Variants in SCIMP observed in about 807,000 individuals in gnomAD.
The protein encoded by SCIMP is SLP adaptor and CSK interacting membrane protein.
In SCIMP, 18 loss-of-function variants were observed where a neutral mutation model predicts 22.0. That is an observed-to-expected ratio of 0.82 (90% CI 0.56 to 1.21). SCIMP has a LOEUF of 1.21. Among genes scored for constraint, SCIMP ranks in the 50% most tolerant of loss-of-function variants. The probability of loss-of-function intolerance (pLI) is 0.00; values close to 1 mark genes in which losing one functional copy is unlikely to be tolerated. For missense variants in SCIMP, 155 were observed against 171.2 expected (o/e 0.91, Z 0.53); for synonymous variants, 53 against 62.2 (o/e 0.85, Z 0.70).
intron 1 of SCIMP, among the ~76,000 whole-genome samples, chr17:5,224,891 A>C (rs1374826770): frequency 6.6e-6 from 1 of 152,166 alleles, no homozygotes; most frequent in East Asian, 1.9e-4. Context: ...AGAAGGGTGA[A>C]GCTGAAGATA....
At chr17:5,227,849 G>A (rs1284651485) in intron 1 of SCIMP, among the ~76,000 whole-genome samples, 6 of 122,462 alleles carry the variant, frequency 4.9e-5, no homozygotes, top group African/African-American at 1.6e-4. Flanking sequence ...ACTCAGCTAC[G>A]TGAAGGGATG....
Position 5,210,798 on chromosome 17 carries a change from G to A in SCIMP, c.*3C>T. The A allele has an allele frequency of 3.1e-6, 5 of 1,603,834 alleles. No individual in the cohort carries two copies. The highest frequency in any genetic ancestry group is 4.2e-6 in the Non-Finnish European group (5 of 1,177,592). ...GTTTTGCCAAAAAGAAGAAATGGCT[G>A]TTTCAAAATGATGCTTTTTCAGTAT... On this transcript the variant is annotated 3_prime_UTR_variant, in exon 5 of 5. Transcript: ENST00000574081.
intron 1 of SCIMP, among the ~76,000 whole-genome samples, chr17:5,227,547 G>C (rs964583979): frequency 6.6e-6 from 1 of 152,186 alleles, no homozygotes; most frequent in Non-Finnish European, 1.5e-5. Context: ...ACAAGGATTA[G>C]AGAAGGGAGT....
chr17:5,228,363 A>G (rs538340284), intron 1 of SCIMP, among the ~76,000 whole-genome samples: 1 of 141,480 alleles, frequency 7.1e-6, no homozygotes, highest in South Asian at 2.3e-4. Flanking sequence ...AAAAAAATGC[A>G]TTGAGCACAG....
intron 1 of SCIMP, among the ~76,000 whole-genome samples, chr17:5,225,776 A>C (rs80070029): frequency 6.7e-6 from 1 of 150,266 alleles, no homozygotes. Context: ...AAAAAAAAAA[A>C]ACACCGATCT....
At chr17:5,227,459 G>A (rs948184132) in intron 1 of SCIMP, among the ~76,000 whole-genome samples, 2 of 152,054 alleles carry the variant, frequency 1.3e-5, no homozygotes, top group African/African-American at 2.4e-5. Context: ...CAAGTGATCC[G>A]CATGCCTCGG....
chr17:5,222,212 T>G (rs1053546027), intron 2 of SCIMP, among the ~76,000 whole-genome samples: 3 of 151,216 alleles, frequency 2.0e-5, no homozygotes, highest in African/African-American at 7.3e-5. Flanking sequence ...GCCTCAGCCT[T>G]CCTAGTAGCT....
intron 1 of SCIMP, among the ~76,000 whole-genome samples, chr17:5,232,027 G>T (rs148442836): frequency 0.015 from 2,339 of 151,912 alleles, 54 homozygotes; most frequent in African/African-American, 0.051. Context: ...CTGCACTCCA[G>T]CCTGGGCGAC....
intron 4 of SCIMP, 62 bp downstream of exon 4, chr17:5,214,856 AAAAAAAG>A (rs779760546): frequency 1.3e-6 from 1 of 773,894 alleles, no homozygotes; most frequent in Non-Finnish European, 2.1e-6. Flanking sequence ...AAAAAAAAAA[AAAAAAAG>A]ACACCTTGAT....
rs551743093 is a variant in SCIMP, at chr17:5,217,811, G to A, written c.210-2813C>T. On this transcript the variant is annotated intron_variant, in intron 3 of 4. Coordinates refer to ENST00000574081, the MANE Select transcript of SCIMP (RefSeq NM_207103.3). ...CCACATTTTCTTAATCCATTCTATC[G>A]TTGTTGGACATTTAGGTTGGTTCCA... Among the ~76,000 whole-genome samples the A allele has an allele frequency of 7.9e-5, 12 of 151,830 alleles. No homozygotes were observed. The East Asian group carries it at 2.3e-3, about 29-fold the overall frequency.
At chr17:5,226,071 G>A (rs2641253) in intron 1 of SCIMP, among the ~76,000 whole-genome samples, 72,833 of 151,896 alleles carry the variant, frequency 0.48, 20,102 homozygotes, top group Non-Finnish European at 0.64. Context: ...GAAAAACACC[G>A]CTTGCAGAGT....
intron 4 of SCIMP, chr17:5,213,298 T>G (rs1293246033): frequency 2.1e-6 from 2 of 961,704 alleles, no homozygotes; most frequent in Non-Finnish European, 2.5e-6. Context: ...CACTCTGTCG[T>G]CCAGGTGCAG....
Position 5,209,447 on chromosome 17 carries a change from C to G in SCIMP, c.*1354G>C, listed in dbSNP as rs2074511551. The stretch of plus-strand genomic sequence containing the variant: ...CTTCATAGAGTCTGGAAAGAGAGAA[C>G]CAGGGAGGAAGCCCAGGTCCCCAGT... On this transcript the variant is annotated 3_prime_UTR_variant, in exon 5 of 5. Transcript: ENST00000574081. The G allele has an allele frequency of 1.3e-5, 2 of 152,104 alleles. No individual in the cohort carries two copies. The highest frequency in any genetic ancestry group is 4.8e-5 in the African/African-American group (2 of 41,398). The allele number at this position is 152,104 out of a possible 1,614,324, so 9.4% of individuals were successfully genotyped here.
intron 3 of SCIMP, 100 bp from the exon 4 acceptor site, chr17:5,215,098 A>G (rs2074556631): frequency 1.3e-6 from 1 of 769,676 alleles, no homozygotes; most frequent in Non-Finnish European, 2.3e-6. Context: ...TGGGTTGAAC[A>G]TTCAAATCTT....
intron 1 of SCIMP, among the ~76,000 whole-genome samples, chr17:5,231,215 C>T (rs908904972): frequency 1.3e-5 from 2 of 152,008 alleles, no homozygotes; most frequent in African/African-American, 2.4e-5. Flanking sequence ...CAGAAATTAG[C>T]CTGGTGTGGT....
chr17:5,232,396 A>ACAGTGCAAACAGTGCAGTGTAAACAGTG (rs71151850), intron 1 of SCIMP, among the ~76,000 whole-genome samples: 1 of 94,230 alleles, frequency 1.1e-5, no homozygotes, highest in East Asian at 4.4e-4. Flanking sequence ...TGCAGTATAA[A>ACAGTGCAAACAGTGCAGTGTAAACAGTG]CAGTATAAAC....
At chr17:5,231,317 G>A (rs766126050) in intron 1 of SCIMP, among the ~76,000 whole-genome samples, 65 of 151,076 alleles carry the variant, frequency 4.3e-4, no homozygotes, top group East Asian at 1.2e-3. Context: ...CCAGGATCAC[G>A]CCATTGCACT....
intron 3 of SCIMP, among the ~76,000 whole-genome samples, chr17:5,218,875 T>C (rs1211104313): frequency 6.6e-6 from 1 of 152,170 alleles, no homozygotes; most frequent in Non-Finnish European, 1.5e-5. Flanking sequence ...ACTCCCACTT[T>C]GGCAAAGTGC....
chr17:5,231,068 G>C (rs2074690071), intron 1 of SCIMP, among the ~76,000 whole-genome samples: 1 of 151,672 alleles, frequency 6.6e-6, no homozygotes, highest in African/African-American at 2.4e-5. Context: ...TGTTTAAGTT[G>C]TTTTTCAAGG....
Sources: allele counts gnomAD v4.1 joint callset (sites outside exome capture counted in the v4.1 genomes callset), GRCh38; gene constraint gnomAD v4.1.1; transcripts MANE v1.5; gene names NCBI Gene and HGNC (gene_info 2026-07-23, HGNC 2026-07-21).